Variants in RPH3A observed in about 807,000 individuals in gnomAD.
RPH3A encodes rabphilin-3A.
In RPH3A, 48 loss-of-function variants were observed where a neutral mutation model predicts 102.2. That is an observed-to-expected ratio of 0.47 (90% CI 0.37 to 0.60). The LOEUF is 0.60. Among genes scored for constraint, RPH3A ranks in the 20% least tolerant of loss-of-function variants. The probability of loss-of-function intolerance (pLI) is 0.00; values close to 1 mark genes in which losing one functional copy is unlikely to be tolerated. For missense variants in RPH3A, 781 were observed against 910.1 expected (o/e 0.86, Z 1.83); for synonymous variants, 310 against 324.3 (o/e 0.96, Z 0.47).
At chr12:112,725,175 A>C (rs1410807648) in intron 1 of RPH3A, among the ~76,000 whole-genome samples, 2 of 125,194 alleles carry the variant, frequency 1.6e-5, no homozygotes, top group Non-Finnish European at 3.2e-5. Context: ...CTTGAACCTG[A>C]GAGGCGGAGG....
At chr12:112,847,225 G>C (rs1290379553) in intron 4 of RPH3A, among the ~76,000 whole-genome samples, 1 of 152,196 alleles carries the variant, frequency 6.6e-6, no homozygotes, top group Non-Finnish European at 1.5e-5. Flanking sequence ...AGACTTCGAG[G>C]CTGGAATTCT....
rs1565857428 is a variant in RPH3A at position 112,713,043 on chromosome 12, CT to C, written c.-139-79098del. 7.7e-4 allele frequency among the ~76,000 whole-genome samples: 59 copies of C among 76,414 alleles called. 1 individual carries two copies. Among genetic ancestry groups the C allele is most frequent in the Admixed American group, 2.4e-3 (14 of 5,862 alleles). 50.1% of individuals were successfully genotyped at this position (76,414 alleles called of 152,430 possible). ...TCTTCCTCTTCTTCTTCTTCTTCTT[CT>C]TCTTCTCCTTCTTCTTCTTCTTCTT... On this transcript the variant is annotated intron_variant, in intron 1 of 21. Transcript: ENST00000543106.
chr12:112,865,292 TG>T, intron 5 of RPH3A, 121 bp from the exon 6 acceptor site: 1 of 1,184,486 alleles, frequency 8.4e-7, no homozygotes, highest in Non-Finnish European at 1.2e-6. Context: ...AGTTCACAAC[TG>T]TCATCAGACG....
chr12:112,896,439 C>G (rs1006868331), intron 21 of RPH3A, among the ~76,000 whole-genome samples: 2 of 152,130 alleles, frequency 1.3e-5, no homozygotes, highest in Non-Finnish European at 2.9e-5. Flanking sequence ...CTCAGTGGAA[C>G]AGTAGGGAGC....
intron 10 of RPH3A, among the ~76,000 whole-genome samples, chr12:112,872,074 G>A (rs967560661): frequency 6.6e-6 from 1 of 152,098 alleles, no homozygotes; most frequent in Admixed American, 6.6e-5. Context: ...GAAGTTGCTG[G>A]ATCATATGGT....
chr12:112,694,636 G>A (rs7964004), intron 1 of RPH3A, among the ~76,000 whole-genome samples: 37,319 of 138,372 alleles, frequency 0.27, 4,985 homozygotes, highest in South Asian at 0.4. Flanking sequence ...ACACGCACGC[G>A]CGCGCGCGCA....
chr12:112,759,996 C>T (rs1034203261), intron 1 of RPH3A, among the ~76,000 whole-genome samples: 1 of 151,988 alleles, frequency 6.6e-6, no homozygotes, highest in African/African-American at 2.4e-5. Context: ...CCCGACCAGC[C>T]GGCCTGTCTG....
intron 2 of RPH3A, among the ~76,000 whole-genome samples, chr12:112,796,534 C>T (rs2136095143): frequency 6.6e-6 from 1 of 152,294 alleles, no homozygotes; most frequent in South Asian, 2.1e-4. Flanking sequence ...TGTGGTCCAG[C>T]CAGAGGCCTG....
intron 1 of RPH3A, among the ~76,000 whole-genome samples, chr12:112,751,447 T>C (rs2040785392): frequency 6.6e-6 from 1 of 152,206 alleles, no homozygotes; most frequent in African/African-American, 2.4e-5. Context: ...AAATGAAGGA[T>C]AATAAAAATA....
chr12:112,891,583 G>A (rs2043095389), intron 19 of RPH3A, among the ~76,000 whole-genome samples: 1 of 152,236 alleles, frequency 6.6e-6, no homozygotes, highest in African/African-American at 2.4e-5. Context: ...GGGAGAAAGG[G>A]AGAGATGTTA....
intron 1 of RPH3A, among the ~76,000 whole-genome samples, chr12:112,758,184 G>T (rs1038693117): frequency 6.6e-6 from 1 of 152,184 alleles, no homozygotes; most frequent in Non-Finnish European, 1.5e-5. Context: ...ATGAGAGCTC[G>T]TGGATATTCC....
At chr12:112,830,265 C>T (rs2041946905) in intron 3 of RPH3A, among the ~76,000 whole-genome samples, 1 of 152,004 alleles carries the variant, frequency 6.6e-6, no homozygotes, top group African/African-American at 2.4e-5. Context: ...TAAAATTTCT[C>T]TTATGATTTC....
At chr12:112,759,870 G>A (rs1592983943) in intron 1 of RPH3A, among the ~76,000 whole-genome samples, 1 of 152,212 alleles carries the variant, frequency 6.6e-6, no homozygotes, top group East Asian at 1.9e-4. Context: ...CACCCCTCTA[G>A]ATTCCTTCCA....
chr12:112,859,868 C>A (rs144467234), intron 5 of RPH3A, among the ~76,000 whole-genome samples: 2 of 152,336 alleles, frequency 1.3e-5, no homozygotes, highest in East Asian at 3.9e-4. Context: ...ACATTCCCCC[C>A]ACACAGTGGC....
At chr12:112,682,848 G>C (rs7300316) in intron 1 of RPH3A, among the ~76,000 whole-genome samples, 2,927 of 152,236 alleles carry the variant, frequency 0.019, 103 homozygotes, top group African/African-American at 0.067. Flanking sequence ...TTCTGCCCAA[G>C]GATTCTCATA....
At chr12:112,713,041 T>TTTG (rs1565857416) in intron 1 of RPH3A, among the ~76,000 whole-genome samples, 18 of 83,752 alleles carry the variant, frequency 2.1e-4, no homozygotes, top group African/African-American at 1.0e-3. Flanking sequence ...CTTCTTCTTC[T>TTTG]TCTTCTTCTC....
At chr12:112,592,550 C>A (rs2039487063) in intron 1 of RPH3A, among the ~76,000 whole-genome samples, 1 of 152,206 alleles carries the variant, frequency 6.6e-6, no homozygotes, top group Non-Finnish European at 1.5e-5. Flanking sequence ...AACTCCTGAC[C>A]TCACGTGATC....
At chr12:112,601,012 A>C (rs567234062) in intron 1 of RPH3A, among the ~76,000 whole-genome samples, 1 of 152,274 alleles carries the variant, frequency 6.6e-6, no homozygotes, top group South Asian at 2.1e-4. Flanking sequence ...ATCTCATGAG[A>C]GGCACTCATT....
At chr12:112,677,449 C>T (rs1376906965) in intron 1 of RPH3A, among the ~76,000 whole-genome samples, 2 of 131,236 alleles carry the variant, frequency 1.5e-5, no homozygotes, top group Non-Finnish European at 3.2e-5. Context: ...TTCCTTCCTT[C>T]CTTCCTTCCT....
Sources: allele counts gnomAD v4.1 joint callset (sites outside exome capture counted in the v4.1 genomes callset), GRCh38; gene constraint gnomAD v4.1.1; transcripts MANE v1.5; gene names NCBI Gene and HGNC (gene_info 2026-07-23, HGNC 2026-07-21).